ADGRL4: variants seen among roughly 807,000 people sequenced by gnomAD.
ADGRL4 encodes the protein adhesion G protein-coupled receptor L4.
Under a neutral mutation model 74.8 loss-of-function variants are expected in ADGRL4, and 90 were observed. The observed-to-expected ratio is 1.20, with a 90% CI of 1.02 to 1.43. The LOEUF (loss-of-function observed/expected upper bound fraction) is 1.43. Ranked by LOEUF, ADGRL4 falls within the 40% of genes most tolerant of loss-of-function variation. The pLI, the probability that ADGRL4 is intolerant of heterozygous loss-of-function variation, is 0.00. For missense variants in ADGRL4, 881 were observed against 814.3 expected (o/e 1.08, Z -1.00); for synonymous variants, 311 against 279.2 (o/e 1.11, Z -1.14).
At chr1:78,935,647 A>T (rs757970309) in intron 7 of ADGRL4, among the ~76,000 whole-genome samples, 1 of 152,200 alleles carries the variant, frequency 6.6e-6, no homozygotes, top group Non-Finnish European at 1.5e-5. Context: ...TATTAAAGGA[A>T]CTGCAAATAT....
intron 2 of ADGRL4, among the ~76,000 whole-genome samples, chr1:79,003,881 T>C (rs1650892940): frequency 6.6e-6 from 1 of 152,008 alleles, no homozygotes; most frequent in Admixed American, 6.6e-5. Context: ...AGATTATTTA[T>C]GAAAAGAATT....
intron 2 of ADGRL4, among the ~76,000 whole-genome samples, chr1:78,950,754 T>G (rs1011462652): frequency 1.3e-5 from 2 of 152,086 alleles, no homozygotes; most frequent in African/African-American, 4.8e-5. Flanking sequence ...GGCTTGGAGA[T>G]TGAATGGATA....
intron 2 of ADGRL4, among the ~76,000 whole-genome samples, chr1:78,979,005 C>T (rs2100724337): frequency 6.6e-6 from 1 of 151,938 alleles, no homozygotes; most frequent in South Asian, 2.1e-4. Flanking sequence ...TTATGAGTTA[C>T]ATTTGAGAAC....
At chr1:78,938,982 G>T (rs1052491837) in intron 4 of ADGRL4, among the ~76,000 whole-genome samples, 2 of 152,036 alleles carry the variant, frequency 1.3e-5, no homozygotes, top group African/African-American at 4.8e-5. Flanking sequence ...TATGAAATAT[G>T]TAAAAGGCCT....
intron 12 of ADGRL4, among the ~76,000 whole-genome samples, chr1:78,915,204 G>A (rs914861537): frequency 1.3e-4 from 20 of 151,830 alleles, no homozygotes; most frequent in African/African-American, 3.9e-4. Flanking sequence ...TGTCCCTGCT[G>A]TTGAAGAATA....
intron 2 of ADGRL4, among the ~76,000 whole-genome samples, chr1:78,993,127 T>C (rs1570277012): frequency 6.6e-6 from 1 of 152,118 alleles, no homozygotes; most frequent in Non-Finnish European, 1.5e-5. Context: ...CAAGCATTTT[T>C]TGAGGATGTA....
At chr1:78,974,835 A>T (rs975194294) in intron 2 of ADGRL4, among the ~76,000 whole-genome samples, 17 of 152,150 alleles carry the variant, frequency 1.1e-4, no homozygotes, top group African/African-American at 4.1e-4. Context: ...CTTGTTTTAC[A>T]TTGGGCCCAT....
At position 78,891,106 on chromosome 1, in the gene ADGRL4, T is replaced by A. The variant is rs781593179; in HGVS notation, c.*48A>T. 5 of 1,577,872 alleles carry A rather than the reference T, an allele frequency of 3.2e-6. No homozygotes were observed. The African/African-American group carries it at 6.7e-5, about 21-fold the overall frequency. On this transcript the variant is annotated 3_prime_UTR_variant, in exon 15 of 15. Coordinates refer to ENST00000370742, the MANE Select transcript of ADGRL4 (RefSeq NM_022159.4). ...TTTTATACATTGGTCATCCACAGCT[T>A]GGAATTTTTATTTTTGTGCAGTTGT...
intron 2 of ADGRL4, among the ~76,000 whole-genome samples, chr1:78,948,014 A>G (rs1009936768): frequency 6.6e-6 from 1 of 152,162 alleles, no homozygotes; most frequent in African/African-American, 2.4e-5. Context: ...TCTAGGAGGT[A>G]GGTATTATTA....
chr1:78,940,598 T>C (rs1649455880), intron 3 of ADGRL4, among the ~76,000 whole-genome samples: 1 of 152,120 alleles, frequency 6.6e-6, no homozygotes, highest in Non-Finnish European at 1.5e-5. Flanking sequence ...TTACCTTGAA[T>C]TAATGCAAAA....
At chr1:78,933,645 T>C (rs539933728) in intron 7 of ADGRL4, among the ~76,000 whole-genome samples, 7 of 151,560 alleles carry the variant, frequency 4.6e-5, no homozygotes, top group Non-Finnish European at 1.0e-4. Context: ...AAATTGTCTC[T>C]GTTTGCAGAT....
At chr1:78,933,659 A>G (rs1314447783) in intron 7 of ADGRL4, among the ~76,000 whole-genome samples, 6 of 151,476 alleles carry the variant, frequency 4.0e-5, no homozygotes, top group Non-Finnish European at 5.9e-5. Flanking sequence ...TGCAGATGAC[A>G]TGTTTGTTTA....
intron 2 of ADGRL4, among the ~76,000 whole-genome samples, chr1:78,964,771 T>C (rs1650021012): frequency 6.6e-6 from 1 of 152,186 alleles, no homozygotes; most frequent in African/African-American, 2.4e-5. Flanking sequence ...TGAGATACTG[T>C]TAAACTCATC....
intron 2 of ADGRL4, among the ~76,000 whole-genome samples, chr1:78,984,591 G>A (rs1179659089): frequency 6.6e-6 from 1 of 151,708 alleles, no homozygotes; most frequent in East Asian, 1.9e-4. Flanking sequence ...CTTAAAAATA[G>A]TGTGTCGAAA....
chr1:78,952,188 G>T (rs904147985), intron 2 of ADGRL4, among the ~76,000 whole-genome samples: 1 of 152,070 alleles, frequency 6.6e-6, no homozygotes, highest in African/African-American at 2.4e-5. Flanking sequence ...TTTAACAGCA[G>T]CATCACTCCT....
intron 12 of ADGRL4, among the ~76,000 whole-genome samples, chr1:78,915,354 C>G (rs572330213): frequency 6.6e-6 from 1 of 151,770 alleles, no homozygotes; most frequent in African/African-American, 2.4e-5. Context: ...TCTTATATCC[C>G]GGGGACACAT....
chr1:79,003,409 G>A (rs932972708), intron 2 of ADGRL4, among the ~76,000 whole-genome samples: 1 of 151,330 alleles, frequency 6.6e-6, no homozygotes. Flanking sequence ...AACAGAAAGG[G>A]AATTTAAGTT....
Position 78,915,600 on chromosome 1 carries a change from C to T in ADGRL4, c.1749+2034G>A, listed in dbSNP as rs115152572. ...CTCTGAGCCATCATCCGCTGAGCTCCCTTCTCCAGTCCTCTCACGGGGCTA... is the reference window on the plus strand; with the variant it reads ...CTCTGAGCCATCATCCGCTGAGCTCTCTTCTCCAGTCCTCTCACGGGGCTA... On this transcript the variant is annotated intron_variant, in intron 12 of 14. Coordinates refer to ENST00000370742, the MANE Select transcript of ADGRL4 (RefSeq NM_022159.4). Among the ~76,000 whole-genome samples, 977 of 151,968 alleles carry T rather than the reference C, an allele frequency of 6.4e-3. 8 individuals are homozygous for T. Among genetic ancestry groups the T allele is most frequent in the African/African-American group, 0.018 (763 of 41,508 alleles).
intron 2 of ADGRL4, among the ~76,000 whole-genome samples, chr1:78,995,445 G>A (rs1236292582): frequency 6.6e-6 from 1 of 152,184 alleles, no homozygotes; most frequent in Non-Finnish European, 1.5e-5. Context: ...TCAGGAAAGA[G>A]TATCATGGTG....
Sources: gnomAD v4.1 joint callset for allele counts (sites outside exome capture counted in the v4.1 genomes callset) on GRCh38, gnomAD v4.1.1 for gene constraint, MANE v1.5 for transcripts, NCBI Gene and HGNC (gene_info 2026-07-23, HGNC 2026-07-21) for gene names.